Variants in ADSL observed in about 807,000 individuals in gnomAD.
The protein encoded by ADSL is adenylosuccinate lyase.
A neutral mutation model predicts 62.1 loss-of-function variants in ADSL; 44 were observed. The ratio of observed to expected loss-of-function variants is 0.71; its 90% CI spans 0.56 to 0.91. ADSL has a LOEUF of 0.91. Among genes scored for constraint, ADSL ranks in the 40% least tolerant of loss-of-function variants. The pLI is 0.00. For synonymous variants in ADSL, 198 were observed against 220.5 expected (o/e 0.90, Z 0.90); for missense variants, 531 against 627.4 (o/e 0.85, Z 1.64).
At chr22:40,352,759 A>C (rs2044397686) in intron 2 of ADSL, among the ~76,000 whole-genome samples, 1 of 152,196 alleles carries the variant, frequency 6.6e-6, no homozygotes, top group African/African-American at 2.4e-5. Flanking sequence ...TCAGCCTCCC[A>C]AAATCCTGAG....
chr22:40,379,105 T>C (rs1275039677), intron 2 of ADSL, among the ~76,000 whole-genome samples: 2 of 152,220 alleles, frequency 1.3e-5, no homozygotes, highest in African/African-American at 4.8e-5. Flanking sequence ...TCATCTGACA[T>C]ACAGTGTGGT....
chr22:40,383,235 A>T (rs1163283963), intron 2 of ADSL, among the ~76,000 whole-genome samples: 1 of 152,090 alleles, frequency 6.6e-6, no homozygotes, highest in Non-Finnish European at 1.5e-5. Flanking sequence ...TGGGAGGCCG[A>T]GGCGGGCAGA....
At chr22:40,362,741 T>C (rs963240005) in intron 9 of ADSL, among the ~76,000 whole-genome samples, 1 of 152,104 alleles carries the variant, frequency 6.6e-6, no homozygotes, top group Non-Finnish European at 1.5e-5. Flanking sequence ...GTTTGGGGAT[T>C]GAGGTACCCA....
In ADSL at chr22:40,361,796, G is replaced by A. The variant is rs1397873792; in HGVS notation, c.1010+161G>A. On this transcript the variant is annotated intron_variant, in intron 9 of 12. Transcript: ENST00000623063. ...AAACATAAAAAGGACAGTGTGATAA[G>A]TGTTACAATTGGAGTGTGTACTGGG... 13 of 934,962 alleles carry A rather than the reference G, an allele frequency of 1.4e-5. No individual in the cohort carries two copies. In the East Asian group the frequency reaches 2.9e-4, roughly 21 times the overall value. 57.9% of individuals were successfully genotyped at this position (934,962 alleles called of 1,614,324 possible).
intron 9 of ADSL, 140 bp from the exon 10 acceptor site, chr22:40,362,841 C>G (rs987442085): frequency 1.2e-6 from 1 of 841,214 alleles, no homozygotes; most frequent in African/African-American, 1.7e-5. Flanking sequence ...ATTTGAGGGT[C>G]GTGAGGTTAT....
chr22:40,360,582 T>C, intron 7 of ADSL, 90 bp downstream of exon 7: 1 of 892,402 alleles, frequency 1.1e-6, no homozygotes, highest in East Asian at 2.4e-5. Flanking sequence ...TAACCATCTC[T>C]CTCAAGCAAT....
chr22:40,380,738 C>A (rs150332646), intron 2 of ADSL, among the ~76,000 whole-genome samples: 3 of 152,204 alleles, frequency 2.0e-5, no homozygotes, highest in African/African-American at 7.2e-5. Flanking sequence ...GAATTTAAGA[C>A]CAGCCTGGGC....
chr22:40,372,363 G>T (rs1349291403), downstream of ADSL, among the ~76,000 whole-genome samples: 1 of 151,568 alleles, frequency 6.6e-6, no homozygotes, highest in Non-Finnish European at 1.5e-5. Context: ...CTGACCTCGT[G>T]ATCTGCCCGC....
intron 7 of ADSL, among the ~76,000 whole-genome samples, chr22:40,360,728 T>TTC (rs2146659676): frequency 6.6e-6 from 1 of 151,176 alleles, no homozygotes; most frequent in East Asian, 1.9e-4. Flanking sequence ...AAATTAATCT[T>TTC]TTTTTTTTTT....
At chr22:40,370,053 T>C (rs2045158964), downstream of ADSL, among the ~76,000 whole-genome samples, 1 of 152,076 alleles carries the variant, frequency 6.6e-6, no homozygotes, top group Non-Finnish European at 1.5e-5. Context: ...AAAATTTCGT[T>C]TTCCGGCCTG....
Position 40,349,985 on chromosome 22 carries a change from G to T in ADSL, c.307G>T (p.Ala103Ser), listed in dbSNP as rs761359362. ...HTFGHCCPKA[A>S]GIIHLGATSC... ...ATTTGGCCACTGCTGTCCAAAAGCT[G>T]CAGGCATTATTCACCTTGGTGCTAC... is the stretch of plus-strand genomic sequence containing the variant. The change falls in exon 2 of 13, where the codon GCA (alanine) becomes TCA (serine). Residue 103 changes from alanine to serine, a missense_variant. Physicochemically the swap from Ala to Ser is moderately conservative, Grantham distance 99. Transcript: ENST00000623063. The T allele has an allele frequency of 1.2e-5, 20 of 1,613,954 alleles. No homozygotes were observed. Among genetic ancestry groups the T allele is most frequent in the Non-Finnish European group, 1.6e-5 (19 of 1,179,978 alleles).
chr22:40,384,742 T>C (rs1467963755), intron 2 of ADSL, among the ~76,000 whole-genome samples: 2 of 152,082 alleles, frequency 1.3e-5, no homozygotes, highest in Non-Finnish European at 2.9e-5. Flanking sequence ...GATAGCGCCA[T>C]TGCACTCCAG....
chr22:40,355,019 T>C (rs1456356546), intron 4 of ADSL, among the ~76,000 whole-genome samples: 11 of 152,224 alleles, frequency 7.2e-5, no homozygotes. Context: ...GTTTGTGTTA[T>C]GGTAACAAAG....
In ADSL at chr22:40,362,896, C is replaced by T. The variant is rs979917520; in HGVS notation, c.1011-85C>T. The stretch of plus-strand genomic sequence containing the variant: ...AAGGAGATTATCCAGAGAGTACAGT[C>T]AGTAGGGCAACTTGTTGGGACACAC... On this transcript the variant is annotated intron_variant, in intron 9 of 12. Transcript: ENST00000623063. 1.1e-5 allele frequency: 13 copies of T among 1,229,890 alleles called. No homozygotes were observed. The African/African-American group carries it at 1.9e-4, about 18-fold the overall frequency. 76.2% of individuals were successfully genotyped at this position (1,229,890 alleles called of 1,614,324 possible).
intron 2 of ADSL, among the ~76,000 whole-genome samples, chr22:40,381,150 T>TC (rs1438493061): frequency 2.0e-5 from 3 of 152,056 alleles, no homozygotes; most frequent in Non-Finnish European, 4.4e-5. Context: ...TCTTTTTTTT[T>TC]CTTTTTCTTT....
At chr22:40,371,245 C>A (rs2045407303), downstream of ADSL, among the ~76,000 whole-genome samples, 2 of 152,222 alleles carry the variant, frequency 1.3e-5, no homozygotes, top group Non-Finnish European at 2.9e-5. Flanking sequence ...GTGGTTAGGA[C>A]TGGAATTTTG....
intron 11 of ADSL, chr22:40,364,603 G>A (rs774657288): frequency 4.7e-6 from 3 of 634,044 alleles, no homozygotes; most frequent in Non-Finnish European, 8.5e-6. Flanking sequence ...AATGAGGTCT[G>A]ACATTCTGTA....
At chr22:40,386,581 T>A (rs1021589919) in intron 2 of ADSL, among the ~76,000 whole-genome samples, 7 of 148,366 alleles carry the variant, frequency 4.7e-5, no homozygotes, top group Non-Finnish European at 1.0e-4. Context: ...TTTTTTTTTT[T>A]TTTTTTTTAA....
chr22:40,383,504 G>A (rs951465458), intron 2 of ADSL, among the ~76,000 whole-genome samples: 1 of 151,466 alleles, frequency 6.6e-6, no homozygotes, highest in African/African-American at 2.4e-5. Context: ...ACAAGTAAAT[G>A]TTGAGAGGAA....
Sources: gnomAD v4.1 joint callset for allele counts (sites outside exome capture counted in the v4.1 genomes callset) on GRCh38, gnomAD v4.1.1 for gene constraint, MANE v1.5 for transcripts, NCBI Gene and HGNC (gene_info 2026-07-23, HGNC 2026-07-21) for gene names.